Variants in ZNF605 observed in about 807,000 individuals in gnomAD.
ZNF605 encodes zinc finger protein 605.
Under a neutral mutation model 7.9 loss-of-function variants are expected in ZNF605, and 9 were observed. The observed-to-expected ratio is 1.14, with a 90% CI of 0.68 to 1.98. ZNF605 has a LOEUF of 1.98. Among genes scored for constraint, ZNF605 ranks in the 30% most tolerant of loss-of-function variants. ZNF605 has a pLI of 0.00. For synonymous variants in ZNF605, 255 were observed against 260.1 expected, an observed-to-expected ratio of 0.98 and a Z score of 0.19; for missense variants, 673 against 762.4, an observed-to-expected ratio of 0.88 and a Z score of 1.38.
Position 132,924,674 on chromosome 12 carries a change from A to C in ZNF605, c.*699T>G, listed in dbSNP as rs1375257831. 6.6e-6 allele frequency: 1 copy of C among 152,244 alleles called. No homozygotes were observed. Among genetic ancestry groups the C allele is most frequent in the Non-Finnish European group, 1.5e-5 (1 of 68,040 alleles). 9.4% of individuals were successfully genotyped at this position (152,244 alleles called of 1,614,324 possible). ...ATGGTGCTCACCTCACTCTGTCTGC[A>C]GTCTCCTGAGGATCACAAACCTGTG... is the stretch of plus-strand genomic sequence containing the variant. On this transcript the variant is annotated 3_prime_UTR_variant, in exon 5 of 5. Transcript: ENST00000360187.
At position 132,925,983 on chromosome 12, in the gene ZNF605, T is replaced by G; in HGVS notation, c.1316A>C (p.His439Pro). The G allele has an allele frequency of 6.2e-7, 1 of 1,614,226 alleles. No homozygotes were observed. The highest frequency in any genetic ancestry group is 8.5e-7 in the Non-Finnish European group (1 of 1,180,044). ...TFFGKSQLLT[H>P]HRTHTGEKPY... ...CTTCTCCCCAGTGTGTGTTCTGTGA[T>G]GCGTTAGGAGCTGGGACTTCCCAAA... The change falls in exon 5 of 5, where the codon CAT becomes CCT. Residue 439 changes from histidine (H) to proline (P), a missense_variant. By Grantham distance (77) the His-to-Pro change is moderately conservative. Transcript: ENST00000360187.
chr12:132,954,112 C>T (rs1952604827), intron 1 of ZNF605, among the ~76,000 whole-genome samples: 4 of 151,802 alleles, frequency 2.6e-5, no homozygotes, highest in African/African-American at 9.7e-5. Flanking sequence ...CAGACACTTA[C>T]CATTCCTACG....
At chr12:132,935,892 TAAAAAAA>T (rs146610476) in intron 3 of ZNF605, among the ~76,000 whole-genome samples, 3 of 98,278 alleles carry the variant, frequency 3.1e-5, no homozygotes, top group African/African-American at 1.2e-4. Context: ...GACTCTGTCT[TAAAAAAA>T]AAAAAAAAAA....
intron 3 of ZNF605, among the ~76,000 whole-genome samples, chr12:132,934,297 T>TAAAG (rs1952337378): frequency 6.6e-6 from 1 of 151,702 alleles, no homozygotes; most frequent in Non-Finnish European, 1.5e-5. Flanking sequence ...AATAAATAAA[T>TAAAG]AAACAACAAC....
chr12:132,950,105 C>G (rs1952541785), intron 1 of ZNF605, among the ~76,000 whole-genome samples: 1 of 151,930 alleles, frequency 6.6e-6, no homozygotes, highest in Admixed American at 6.6e-5. Context: ...ACAAAGAGAC[C>G]CCATAGTTAC....
Position 132,919,078 on chromosome 12 carries a change from T to C in ZNF605, c.*6295A>G, listed in dbSNP as rs1490874447. On this transcript the variant is annotated 3_prime_UTR_variant, in exon 5 of 5. Transcript: ENST00000360187. ...CGAATCTACACTAGACCTGCCTGGC[T>C]GCAGTGGTAACACTCCATTGCCTAA... The C allele has an allele frequency of 6.6e-6, 1 of 152,292 alleles. No individual in the cohort carries two copies. Among genetic ancestry groups the C allele is most frequent in the Non-Finnish European group, 1.5e-5 (1 of 68,072 alleles). The allele number at this position is 152,292 out of a possible 1,614,324, so 9.4% of individuals were successfully genotyped here.
At position 132,925,361 on chromosome 12, in the gene ZNF605, A is replaced by G; in HGVS notation, c.*12T>C. 31 of 1,552,420 alleles carry G rather than the reference A, an allele frequency of 2.0e-5. No homozygotes were observed. Among genetic ancestry groups the G allele is most frequent in the Non-Finnish European group, 2.7e-5 (31 of 1,149,166 alleles). On this transcript the variant is annotated 3_prime_UTR_variant, in exon 5 of 5. Coordinates refer to ENST00000360187, the MANE Select transcript of ZNF605 (RefSeq NM_183238.4). ...GATAGCAACCTTTCTGCATTCGCCA[A>G]AGTCATGATTTTTATATTATATGAT...
intron 2 of ZNF605, among the ~76,000 whole-genome samples, 159 bp downstream of exon 2, chr12:132,947,989 G>C (rs947962316): frequency 1.3e-4 from 20 of 152,080 alleles, no homozygotes; most frequent in Non-Finnish European, 2.6e-4. Context: ...AGTGCAGGCG[G>C]TATCTTTTCC....
chr12:132,918,312 T>A lies in ZNF605; in HGVS notation c.*7061A>T, dbSNP rs1024960183. The stretch of plus-strand genomic sequence containing the variant: ...TTAATTTGGGGATACCTGGTTGGAA[T>A]GGAAACCAGAGTTTATTTGCAAATT... On this transcript the variant is annotated 3_prime_UTR_variant, in exon 5 of 5. Transcript: ENST00000360187. The A allele has an allele frequency of 6.6e-6, 1 of 152,234 alleles. No individual in the cohort carries two copies. Among genetic ancestry groups the A allele is most frequent in the African/African-American group, 2.4e-5 (1 of 41,460 alleles). The allele number at this position is 152,234 out of a possible 1,614,324, so 9.4% of individuals were successfully genotyped here. A position where few individuals can be genotyped will look rare whatever the true frequency, so the allele number is the denominator to read the frequency against.
chr12:132,920,286 CT>C lies in ZNF605; in HGVS notation c.*5086del, dbSNP rs1288217317. 6.6e-6 allele frequency: 1 copy of C among 152,414 alleles called. No homozygotes were observed. The highest frequency in any genetic ancestry group is 2.4e-5 in the African/African-American group (1 of 41,410). The allele number at this position is 152,414 out of a possible 1,614,324, so 9.4% of individuals were successfully genotyped here. A position where few individuals can be genotyped will look rare whatever the true frequency, so the allele number is the denominator to read the frequency against. On this transcript the variant is annotated 3_prime_UTR_variant, in exon 5 of 5. Transcript: ENST00000360187. Reference sequence around the variant, plus strand: ...TCCTGAGTAGCTGGGACTACAGGCGCTGGCCACCTCACCTGGCTAATTTTTT... The same window carrying C: ...TCCTGAGTAGCTGGGACTACAGGCGCGGCCACCTCACCTGGCTAATTTTTT...
At chr12:132,932,816 G>A (rs1952321248) in intron 4 of ZNF605, 6 of 1,531,248 alleles carry the variant, frequency 3.9e-6, no homozygotes, top group South Asian at 3.6e-5. Context: ...CTGTCGATTG[G>A]AAACACAGAG....
chr12:132,939,625 C>T (rs1224192539), intron 3 of ZNF605, among the ~76,000 whole-genome samples: 6 of 152,154 alleles, frequency 3.9e-5, no homozygotes, highest in Non-Finnish European at 8.8e-5. Context: ...ACAAAACAGG[C>T]CACTCGGCTC....
At chr12:132,935,010 G>A (rs1279946771) in intron 3 of ZNF605, among the ~76,000 whole-genome samples, 3 of 152,186 alleles carry the variant, frequency 2.0e-5, no homozygotes, top group African/African-American at 7.2e-5. Flanking sequence ...TGGAAATAAA[G>A]TGTGTTTTCT....
At chr12:132,954,529 G>A (rs1952614629) in intron 1 of ZNF605, among the ~76,000 whole-genome samples, 1 of 149,142 alleles carries the variant, frequency 6.7e-6, no homozygotes, top group Non-Finnish European at 1.5e-5. Context: ...ACTTCATCAG[G>A]TGCCCAAGTC....
At chr12:132,943,113 C>T (rs1278291) in intron 3 of ZNF605, among the ~76,000 whole-genome samples, 4 of 152,074 alleles carry the variant, frequency 2.6e-5, no homozygotes, top group Admixed American at 6.6e-5. Flanking sequence ...CTGTAATCCC[C>T]GCACTTTGGG....
chr12:132,930,073 G>A (rs1443084572), intron 4 of ZNF605, among the ~76,000 whole-genome samples: 3 of 152,170 alleles, frequency 2.0e-5, no homozygotes, highest in Admixed American at 6.5e-5. Context: ...TCACTGTGTC[G>A]CCCAAGGAGT....
At chr12:132,939,442 CCT>C (rs1199346145) in intron 3 of ZNF605, among the ~76,000 whole-genome samples, 6 of 152,128 alleles carry the variant, frequency 3.9e-5, no homozygotes, top group African/African-American at 2.4e-5. Flanking sequence ...CAATCAGCAC[CCT>C]GTGTTTTGCT....
intron 3 of ZNF605, among the ~76,000 whole-genome samples, chr12:132,942,458 A>C (rs1262708151): frequency 6.6e-6 from 1 of 152,210 alleles, no homozygotes; most frequent in Non-Finnish European, 1.5e-5. Flanking sequence ...AGGTGGGACT[A>C]ACAAACTCAT....
intron 3 of ZNF605, among the ~76,000 whole-genome samples, chr12:132,934,829 G>A (rs78844209): frequency 0.17 from 26,555 of 151,856 alleles, 2,378 homozygotes; most frequent in Non-Finnish European, 0.19. Context: ...GGGCTATGAA[G>A]CTAGCATTTA....
Sources: allele counts gnomAD v4.1 joint callset (sites outside exome capture counted in the v4.1 genomes callset), GRCh38; gene constraint gnomAD v4.1.1; transcripts MANE v1.5; gene names NCBI Gene and HGNC (gene_info 2026-07-23, HGNC 2026-07-21).